GIPC2: variants seen among roughly 807,000 people sequenced by gnomAD.
The protein encoded by GIPC2 is GIPC PDZ domain containing family member 2.
Under a neutral mutation model 30.6 loss-of-function variants are expected in GIPC2, and 30 were observed. The ratio of observed to expected loss-of-function variants is 0.98; its 90% CI spans 0.73 to 1.33. The LOEUF (loss-of-function observed/expected upper bound fraction) is 1.33, where lower values mean the gene tolerates loss of function less well. Ranked by LOEUF, GIPC2 falls within the 40% of genes most tolerant of loss-of-function variation. The pLI is 0.00. For synonymous variants in GIPC2, 167 were observed against 150.0 expected, an observed-to-expected ratio of 1.11 and a Z score of -0.83; for missense variants, 414 against 390.3, an observed-to-expected ratio of 1.06 and a Z score of -0.51.
intron 1 of GIPC2, among the ~76,000 whole-genome samples, chr1:78,047,626 C>G (rs1661119834): frequency 6.6e-6 from 1 of 151,884 alleles, no homozygotes; most frequent in Non-Finnish European, 1.5e-5. Flanking sequence ...GAGCCAGGTT[C>G]TACCCTTTAC....
intron 5 of GIPC2, among the ~76,000 whole-genome samples, chr1:78,130,957 G>T (rs148531708): frequency 3.4e-4 from 52 of 152,078 alleles, no homozygotes; most frequent in African/African-American, 1.2e-3. Context: ...GCCACTAGAG[G>T]TCAGCACTTA....
chr1:78,050,357 T>TAGGCCGGGCGCG (rs1661173220), intron 1 of GIPC2, among the ~76,000 whole-genome samples: 1 of 152,204 alleles, frequency 6.6e-6, no homozygotes, highest in African/African-American at 2.4e-5. Flanking sequence ...AAGATGTTGA[T>TAGGCCGGGCGCG]GTGAGACTGA....
At chr1:78,049,096 C>T (rs1334136897) in intron 1 of GIPC2, among the ~76,000 whole-genome samples, 1 of 152,176 alleles carries the variant, frequency 6.6e-6, no homozygotes, top group Non-Finnish European at 1.5e-5. Flanking sequence ...AAGGAGATTC[C>T]ATTTTCATAG....
chr1:78,083,303 T>C (rs1336817844), intron 2 of GIPC2, among the ~76,000 whole-genome samples: 8 of 152,194 alleles, frequency 5.3e-5, no homozygotes, highest in Non-Finnish European at 7.3e-5. Flanking sequence ...TTCCTCATGT[T>C]GATAAATAGA....
At position 78,056,010 on chromosome 1, in the gene GIPC2, G is replaced by A. The variant is rs559816264; in HGVS notation, c.240+9676G>A. ...TTCCCTGTTAACTCCTACTTGTGCT[G>A]CAGGACTTGCAGGTCATTACCTGAA... On this transcript the variant is annotated intron_variant, in intron 1 of 5. Coordinates refer to ENST00000370759, the MANE Select transcript of GIPC2 (RefSeq NM_017655.6). Among the ~76,000 whole-genome samples the A allele has an allele frequency of 5.9e-5, 9 of 152,212 alleles. No individual in the cohort carries two copies. In the South Asian group the frequency reaches 1.9e-3, roughly 32 times the overall value.
chr1:78,118,517 G>A (rs921808928), intron 3 of GIPC2, among the ~76,000 whole-genome samples: 4 of 152,006 alleles, frequency 2.6e-5, no homozygotes, highest in East Asian at 3.9e-4. Context: ...TGGTGGTGAC[G>A]CTTAGTTTGT....
At chr1:78,046,588 A>C (rs1276551119) in intron 1 of GIPC2, among the ~76,000 whole-genome samples, 3 of 152,040 alleles carry the variant, frequency 2.0e-5, no homozygotes, top group Non-Finnish European at 4.4e-5. Context: ...GGGTTGAGGG[A>C]GGCAACCTTT....
At chr1:78,119,892 C>T (rs957229274) in intron 4 of GIPC2, among the ~76,000 whole-genome samples, 6 of 152,186 alleles carry the variant, frequency 3.9e-5, no homozygotes, top group African/African-American at 1.4e-4. Context: ...TGACTCTTTT[C>T]GTTCATGTCC....
chr1:78,085,957 G>T (rs1379881904), intron 2 of GIPC2, among the ~76,000 whole-genome samples: 2 of 112,450 alleles, frequency 1.8e-5, no homozygotes, highest in Non-Finnish European at 3.7e-5. Flanking sequence ...CTTGTCTTCT[G>T]CTAACTTTGG....
At chr1:78,090,929 C>T (rs1219353420) in intron 2 of GIPC2, among the ~76,000 whole-genome samples, 3 of 152,002 alleles carry the variant, frequency 2.0e-5, no homozygotes, top group Non-Finnish European at 2.9e-5. Flanking sequence ...TGATGAGAAA[C>T]AGCTTTAGTA....
At chr1:78,105,628 A>G (rs963684338) in intron 3 of GIPC2, among the ~76,000 whole-genome samples, 2 of 152,168 alleles carry the variant, frequency 1.3e-5, no homozygotes, top group African/African-American at 2.4e-5. Flanking sequence ...GTTAATAACA[A>G]CCATGAATAG....
upstream of GIPC2, among the ~76,000 whole-genome samples, chr1:78,045,332 C>T (rs1661048102): frequency 6.6e-6 from 1 of 152,088 alleles, no homozygotes; most frequent in Non-Finnish European, 1.5e-5. Context: ...GCAATAAACG[C>T]GAGGTAGGGA....
At chr1:78,085,414 G>T (rs1439464528) in intron 2 of GIPC2, among the ~76,000 whole-genome samples, 1 of 152,186 alleles carries the variant, frequency 6.6e-6, no homozygotes, top group Non-Finnish European at 1.5e-5. Context: ...GTCTCTGCCA[G>T]GTTTTGGTAT....
chr1:78,080,623 G>A, intron 1 of GIPC2, 52 bp from the exon 2 acceptor site: 2 of 948,292 alleles, frequency 2.1e-6, no homozygotes, highest in East Asian at 2.5e-5. Context: ...TAAATTAACG[G>A]TCAGATGTAT....
rs1661334974 is a variant in GIPC2, at chr1:78,058,430, T to G, written c.240+12096T>G. On this transcript the variant is annotated intron_variant, in intron 1 of 5. Coordinates refer to ENST00000370759, the MANE Select transcript of GIPC2 (RefSeq NM_017655.6). ...ATCTTTAGTTACTTTTAACTGATTTTTTTTTAATTGAAGGATTCACTCAGA... is the reference window on the plus strand; with the variant it reads ...ATCTTTAGTTACTTTTAACTGATTTGTTTTTAATTGAAGGATTCACTCAGA... 2.0e-5 allele frequency among the ~76,000 whole-genome samples: 3 copies of G among 152,210 alleles called. No individual in the cohort carries two copies. In the South Asian group the frequency reaches 6.2e-4, roughly 32 times the overall value.
In GIPC2 at chr1:78,091,742, T is replaced by G. The variant is rs1234094369; in HGVS notation, c.427-3210T>G. 13 of 775,720 alleles carry G rather than the reference T, an allele frequency of 1.7e-5. No individual in the cohort carries two copies. In the Admixed American group the frequency reaches 2.2e-4, roughly 13 times the overall value. 48.1% of individuals were successfully genotyped at this position (775,720 alleles called of 1,614,324 possible). A position where few individuals can be genotyped will look rare whatever the true frequency, so the allele number is the denominator to read the frequency against. ...AGCCTTTGCATACAAGAATGTTAAA[T>G]TTGTTCTCAAGCACAAAGTAGCACA... On this transcript the variant is annotated intron_variant, in intron 2 of 5. Transcript: ENST00000370759.
intron 2 of GIPC2, among the ~76,000 whole-genome samples, chr1:78,088,121 C>A (rs1661966398): frequency 6.6e-6 from 1 of 152,082 alleles, no homozygotes. Context: ...GGTGAGGTTG[C>A]AGAGAAAAGG....
intron 5 of GIPC2, among the ~76,000 whole-genome samples, chr1:78,130,288 G>A (rs962472592): frequency 1.1e-4 from 17 of 151,962 alleles, no homozygotes; most frequent in African/African-American, 4.1e-4. Context: ...ATTTTTAGTA[G>A]AGATGGGGTT....
intron 1 of GIPC2, among the ~76,000 whole-genome samples, chr1:78,078,136 C>T (rs1187216506): frequency 3.9e-5 from 5 of 128,532 alleles, no homozygotes; most frequent in African/African-American, 1.5e-4. Flanking sequence ...TGCAGTGAGC[C>T]GAGATCCCGC....
Sources: gnomAD v4.1 joint callset for allele counts (sites outside exome capture counted in the v4.1 genomes callset) on GRCh38, gnomAD v4.1.1 for gene constraint, MANE v1.5 for transcripts, NCBI Gene and HGNC (gene_info 2026-07-23, HGNC 2026-07-21) for gene names.